Variants in GALNT2 observed in about 807,000 individuals in gnomAD.
GALNT2 encodes the protein polypeptide N-acetylgalactosaminyltransferase 2, also known as UDP-GalNAc:polypeptide N-acetylgalactosaminyltransferase 2.
Under a neutral mutation model 81.4 loss-of-function variants are expected in GALNT2, and 31 were observed. The ratio of observed to expected loss-of-function variants is 0.38; its 90% CI spans 0.29 to 0.51. The LOEUF (loss-of-function observed/expected upper bound fraction) is 0.51. GALNT2 is among the 20% of genes least tolerant of loss of function. The probability of loss-of-function intolerance (pLI) is 0.87; values close to 1 mark genes in which losing one functional copy is unlikely to be tolerated. For missense variants in GALNT2, 629 were observed against 765.7 expected, an observed-to-expected ratio of 0.82 and a Z score of 2.11; for synonymous variants, 303 against 287.4, an observed-to-expected ratio of 1.05 and a Z score of -0.55.
chr1:230,066,183 T>C (rs1346089218), upstream of GALNT2, among the ~76,000 whole-genome samples: 1 of 152,272 alleles, frequency 6.6e-6, no homozygotes, highest in Non-Finnish European at 1.5e-5. Flanking sequence ...CATTATCCTC[T>C]GACCGAGAAG....
At chr1:230,246,757 C>G (rs1426069239) in intron 8 of GALNT2, among the ~76,000 whole-genome samples, 1 of 152,136 alleles carries the variant, frequency 6.6e-6, no homozygotes, top group Non-Finnish European at 1.5e-5. Flanking sequence ...AATGACCACA[C>G]CAGTTTCCTG....
rs1019070997 is a variant in GALNT2 at position 230,222,302 on chromosome 1, G to A, written c.375-13712G>A. On this transcript the variant is annotated intron_variant, in intron 3 of 15. Transcript: ENST00000366672. ...CGGCCTCCCTGCTTTTCTCTTTAAT[G>A]CATTCATGTCTGCCTGTTGCCTCTG... Among the ~76,000 whole-genome samples the A allele has an allele frequency of 3.3e-5, 5 of 152,048 alleles. No individual in the cohort carries two copies. The East Asian group carries it at 9.7e-4, about 29-fold the overall frequency.
At chr1:230,164,164 C>A (rs1307691299) in intron 1 of GALNT2, among the ~76,000 whole-genome samples, 2 of 152,208 alleles carry the variant, frequency 1.3e-5, no homozygotes, top group African/African-American at 4.8e-5. Flanking sequence ...CTTGGAAAAT[C>A]CCTGGTAAAT....
At chr1:230,101,548 A>G (rs1295257706) in intron 1 of GALNT2, among the ~76,000 whole-genome samples, 1 of 152,204 alleles carries the variant, frequency 6.6e-6, no homozygotes, top group Non-Finnish European at 1.5e-5. Flanking sequence ...ATAAACAAAT[A>G]CCTTTTTTAG....
intron 2 of GALNT2, among the ~76,000 whole-genome samples, chr1:230,178,652 A>G (rs899351068): frequency 2.0e-5 from 3 of 152,128 alleles, no homozygotes; most frequent in Non-Finnish European, 4.4e-5. Flanking sequence ...GAAGGTACAG[A>G]GAATTCCTGT....
At chr1:230,181,036 CAT>C (rs1451345629) in intron 2 of GALNT2, among the ~76,000 whole-genome samples, 2 of 152,084 alleles carry the variant, frequency 1.3e-5, no homozygotes, top group Non-Finnish European at 2.9e-5. Context: ...CACAGACAAT[CAT>C]GTGATCTATG....
chr1:230,061,138 G>T (rs1453866154), intron 1 of GALNT2, among the ~76,000 whole-genome samples: 1 of 152,002 alleles, frequency 6.6e-6, no homozygotes, highest in Non-Finnish European at 1.5e-5. Context: ...TAAGTGGACA[G>T]ATCTAGGAAA....
chr1:230,181,003 TG>T (rs756637998), intron 2 of GALNT2, among the ~76,000 whole-genome samples: 1 of 152,258 alleles, frequency 6.6e-6, no homozygotes, highest in African/African-American at 2.4e-5. Context: ...AGGAAATTTT[TG>T]TTCATTGTTT....
rs917612358 is a variant in GALNT2, at chr1:230,275,803, TATATATACAAATATACATGCCAC to T, written c.1560+1249_1560+1271del. Reference sequence around the variant, plus strand: ...TATATACATATATATACATGCCACATATATATACAAATATACATGCCACATATATACATGTATATACATGCCAC... The same window carrying T: ...TATATACATATATATACATGCCACATATATATACATGTATATACATGCCAC... On this transcript the variant is annotated intron_variant, in intron 15 of 15. Transcript: ENST00000366672. The surrounding 1 kb of genome is among the most constrained non-coding windows in gnomAD (Gnocchi z 5.5). 3.3e-5 allele frequency among the ~76,000 whole-genome samples: 5 copies of T among 151,172 alleles called. No individual in the cohort carries two copies. Among genetic ancestry groups the T allele is most frequent in the African/African-American group, 2.4e-5 (1 of 41,104 alleles).
intron 1 of GALNT2, among the ~76,000 whole-genome samples, chr1:230,073,405 T>A (rs1210990385): frequency 6.6e-6 from 1 of 152,222 alleles, no homozygotes; most frequent in African/African-American, 2.4e-5. Context: ...TCTTCCCTGA[T>A]GGGCCCCCAC....
chr1:230,180,462 T>C lies in GALNT2; in HGVS notation c.220+2151T>C, dbSNP rs534899114. On this transcript the variant is annotated intron_variant, in intron 2 of 15. Transcript: ENST00000366672. The stretch of plus-strand genomic sequence containing the variant: ...TATTGGAGCTCTTTATTTGCTTCCA[T>C]TGGTCTATTTTTCTGTTATTTTGCC... Among the ~76,000 whole-genome samples, 23 of 152,244 alleles carry C rather than the reference T, an allele frequency of 1.5e-4. No homozygotes were observed. The South Asian group carries it at 4.8e-3, about 32-fold the overall frequency.
In GALNT2 at chr1:230,280,177, G is replaced by C. The variant is rs895236752; in HGVS notation, c.*719G>C. 5.5e-6 allele frequency: 2 copies of C among 364,832 alleles called. No individual in the cohort carries two copies. Among genetic ancestry groups the C allele is most frequent in the African/African-American group, 4.2e-5 (2 of 47,114 alleles). 22.6% of individuals were successfully genotyped at this position (364,832 alleles called of 1,614,324 possible). A position where few individuals can be genotyped will look rare whatever the true frequency, so the allele number is the denominator to read the frequency against. The stretch of plus-strand genomic sequence containing the variant: ...CTTCCGGGAGAAGGGGCCAGAGCCC[G>C]GTGGGGCCAGTTTCTCACAGAGGGA... On this transcript the variant is annotated 3_prime_UTR_variant, in exon 16 of 16. Coordinates refer to ENST00000366672, the MANE Select transcript of GALNT2 (RefSeq NM_004481.5).
upstream of GALNT2, among the ~76,000 whole-genome samples, chr1:230,064,626 T>C (rs908270226): frequency 6.6e-6 from 1 of 152,200 alleles, no homozygotes; most frequent in African/African-American, 2.4e-5. Context: ...GTTCAAATGA[T>C]TCTTCCACCT....
chr1:230,081,547 C>T (rs1309751892), intron 1 of GALNT2, among the ~76,000 whole-genome samples: 1 of 152,114 alleles, frequency 6.6e-6, no homozygotes, highest in African/African-American at 2.4e-5. Flanking sequence ...TTCATTAGTT[C>T]AGTTTCTGGC....
At chr1:230,116,334 A>T (rs958564148) in intron 1 of GALNT2, among the ~76,000 whole-genome samples, 1 of 152,086 alleles carries the variant, frequency 6.6e-6, no homozygotes, top group African/African-American at 2.4e-5. Context: ...GGTTCAAGGA[A>T]TTCTCCCGCC....
rs112166350 is a variant in GALNT2, at chr1:230,082,720, G to A, written c.126+15314G>A. 5.9e-3 allele frequency among the ~76,000 whole-genome samples: 894 copies of A among 152,364 alleles called. 8 individuals carry two copies. Among genetic ancestry groups the A allele is most frequent in the Admixed American group, 0.012 (176 of 15,304 alleles). ...AGGAAGTCATATGCATGGAACATAC[G>A]CACTGGAGTGCTAGTTAGACAGCTG... On this transcript the variant is annotated intron_variant, in intron 1 of 15. Transcript: ENST00000366672.
intron 1 of GALNT2, among the ~76,000 whole-genome samples, chr1:230,134,648 A>G (rs1661479988): frequency 6.6e-6 from 1 of 152,096 alleles, no homozygotes; most frequent in Non-Finnish European, 1.5e-5. Context: ...AGTGCTCAAT[A>G]TTTATAAACT....
At chr1:230,153,904 A>G (rs575226056) in intron 1 of GALNT2, among the ~76,000 whole-genome samples, 112 of 152,350 alleles carry the variant, frequency 7.4e-4, no homozygotes, top group Middle Eastern at 6.8e-3. Flanking sequence ...AAACAACAAC[A>G]AAAAAGCTAC....
Position 230,243,517 on chromosome 1 carries a change from A to G in GALNT2, c.729+90A>G, listed in dbSNP as rs1665267144. On this transcript the variant is annotated intron_variant, in intron 7 of 15. Transcript: ENST00000366672. The surrounding 1 kb of genome is among the most constrained non-coding windows in gnomAD (Gnocchi z 4.2). ...GCATGGTCCAGGGGAGGTGTAACGC[A>G]GGGAGTAGGGCGTCAGGGCTGGTAG... The G allele has an allele frequency of 1.3e-6, 2 of 1,504,206 alleles. No individual in the cohort carries two copies. The allele number at this position is 1,504,206 out of a possible 1,614,324, so 93.2% of individuals were successfully genotyped here.
Sources: allele counts gnomAD v4.1 joint callset (sites outside exome capture counted in the v4.1 genomes callset), GRCh38; gene constraint gnomAD v4.1.1; non-coding constraint Gnocchi (gnomAD v3.1); transcripts MANE v1.5; gene names NCBI Gene and HGNC (gene_info 2026-07-23, HGNC 2026-07-21).